ZNF831: variants seen among roughly 807,000 people sequenced by gnomAD.
The protein encoded by ZNF831 is zinc finger protein 831, also known as chromosome 20 open reading frame 174.
Under a neutral mutation model 95.8 loss-of-function variants are expected in ZNF831, and 59 were observed. The ratio of observed to expected loss-of-function variants is 0.62; its 90% CI spans 0.50 to 0.77. ZNF831 has a LOEUF of 0.77. Ranked by LOEUF, ZNF831 falls within the 30% of genes least tolerant of loss-of-function variation. ZNF831 has a pLI of 0.00. For synonymous variants in ZNF831, 961 were observed against 925.5 expected, an observed-to-expected ratio of 1.04 and a Z score of -0.70; for missense variants, 2,205 against 2,164.0, an observed-to-expected ratio of 1.02 and a Z score of -0.38.
chr20:59,195,377 G>A (rs1171651863), intron 2 of ZNF831, among the ~76,000 whole-genome samples: 5 of 152,186 alleles, frequency 3.3e-5, no homozygotes, highest in African/African-American at 1.2e-4. Flanking sequence ...CTTGGGCCGC[G>A]GCCACTGAGG....
In ZNF831 at chr20:59,208,855, C is replaced by T. The variant is rs373283672; in HGVS notation, c.4027+1799C>T. On this transcript the variant is annotated intron_variant, in intron 4 of 5. Transcript: ENST00000371030. The surrounding 1 kb of genome is among the most constrained non-coding windows in gnomAD (Gnocchi z 4.2). Reference sequence around the variant, plus strand: ...GGTCACTGGTGGAATCCAACAGAATCAGCCAGAGCTCTGCCAGTTGCCCCC... The same window carrying T: ...GGTCACTGGTGGAATCCAACAGAATTAGCCAGAGCTCTGCCAGTTGCCCCC... Among the ~76,000 whole-genome samples, 2 of 152,114 alleles carry T rather than the reference C, an allele frequency of 1.3e-5. No homozygotes were observed. Among genetic ancestry groups the T allele is most frequent in the East Asian group, 3.9e-4 (2 of 5,174 alleles).
chr20:59,156,145 C>T (rs1160502134), intron 2 of ZNF831, among the ~76,000 whole-genome samples: 1 of 152,176 alleles, frequency 6.6e-6, no homozygotes, highest in Non-Finnish European at 1.5e-5. Context: ...CCATTAAGGC[C>T]GTAGACATAT....
At chr20:59,199,762 C>A (rs760360258) in intron 3 of ZNF831, among the ~76,000 whole-genome samples, 13 of 152,048 alleles carry the variant, frequency 8.5e-5, no homozygotes, top group Admixed American at 6.5e-4. Context: ...TATTACTTGT[C>A]TTTTTAAGCC....
chr20:59,179,850 A>G (rs1982473258), intron 1 of ZNF831, among the ~76,000 whole-genome samples: 1 of 152,100 alleles, frequency 6.6e-6, no homozygotes, highest in African/African-American at 2.4e-5. Flanking sequence ...CAGGACTTGG[A>G]TGCTATTTTG....
At chr20:59,251,557 C>T (rs1213881668) in intron 4 of ZNF831, among the ~76,000 whole-genome samples, 1 of 151,934 alleles carries the variant, frequency 6.6e-6, no homozygotes, top group Non-Finnish European at 1.5e-5. Flanking sequence ...GGAGTGTAAA[C>T]CAAGAAAAAA....
intron 1 of ZNF831, among the ~76,000 whole-genome samples, chr20:59,144,520 C>T (rs535135378): frequency 1.7e-4 from 26 of 152,178 alleles, no homozygotes; most frequent in African/African-American, 6.0e-4. Flanking sequence ...TACCCAATGT[C>T]CCCAGAGGGG....
chr20:59,189,125 G>A (rs1457156871), intron 1 of ZNF831, among the ~76,000 whole-genome samples: 1 of 151,772 alleles, frequency 6.6e-6, no homozygotes, highest in East Asian at 1.9e-4. Flanking sequence ...AGGTTGCAGT[G>A]AGCTGAGATC....
chr20:59,136,246 G>T (rs1384604035), intron 1 of ZNF831, among the ~76,000 whole-genome samples: 2 of 152,062 alleles, frequency 1.3e-5, no homozygotes, highest in African/African-American at 4.8e-5. Context: ...CCTACCCTCT[G>T]CTGCTGCTTC....
intron 1 of ZNF831, among the ~76,000 whole-genome samples, chr20:59,136,799 C>T (rs572170729): frequency 2.6e-5 from 4 of 152,292 alleles, no homozygotes; most frequent in Middle Eastern, 3.4e-3. Flanking sequence ...AGCAACAGAT[C>T]CCCCAGGTTT....
rs2146567282 is a variant in ZNF831 at position 59,192,535 on chromosome 20, T to A, written c.1516T>A (p.Ser506Thr). The change falls in exon 2 of 6, where the codon TCG (serine) becomes ACG (threonine). Residue 506 changes from serine (S) to threonine (T), a missense_variant. Ser to Thr is a moderately conservative substitution (Grantham distance 58). Transcript: ENST00000371030. The surrounding 1 kb of genome is among the most constrained non-coding windows in gnomAD (Gnocchi z 5.2). The stretch of plus-strand genomic sequence containing the variant: ...ATGTGTCCCCGTCACCAGGAGCAAC[T>A]CGCTGCCCTTCGTCGAGGGCTCCAG... ...VECVPVTRSN[S>T]LPFVEGSRTW... 1 of 1,527,908 alleles carries A rather than the reference T, an allele frequency of 6.5e-7. No homozygotes were observed. The highest frequency in any genetic ancestry group is 8.8e-7 in the Non-Finnish European group (1 of 1,139,796). The allele number at this position is 1,527,908 out of a possible 1,614,324, so 94.6% of individuals were successfully genotyped here.
intron 1 of ZNF831, among the ~76,000 whole-genome samples, chr20:59,126,049 A>C (rs937625044): frequency 6.6e-6 from 1 of 152,142 alleles, no homozygotes; most frequent in African/African-American, 2.4e-5. Context: ...AGTGTCCCTT[A>C]TGCAAACGTC....
At chr20:59,133,765 A>G (rs6026714) in intron 1 of ZNF831, among the ~76,000 whole-genome samples, 153 of 152,304 alleles carry the variant, frequency 1.0e-3, no homozygotes, top group African/African-American at 3.4e-3. Flanking sequence ...CACTCAGAGA[A>G]GGGAGGCAGC....
intron 4 of ZNF831, among the ~76,000 whole-genome samples, chr20:59,252,117 T>C (rs1987920013): frequency 2.0e-5 from 3 of 152,154 alleles, no homozygotes; most frequent in African/African-American, 7.2e-5. Flanking sequence ...AACAATGTTA[T>C]CAGACATGAA....
chr20:59,179,571 T>C (rs903676425), intron 1 of ZNF831, among the ~76,000 whole-genome samples: 6 of 152,112 alleles, frequency 3.9e-5, no homozygotes, highest in Non-Finnish European at 7.4e-5. Flanking sequence ...GGGAGGGTCC[T>C]TCCTGGCCTC....
At chr20:59,210,600 CTG>C (rs1985231574) in intron 4 of ZNF831, among the ~76,000 whole-genome samples, 3 of 152,148 alleles carry the variant, frequency 2.0e-5, no homozygotes, top group Admixed American at 6.5e-5. Flanking sequence ...CATGGTGACC[CTG>C]GGGGCCTCAG....
intron 2 of ZNF831, among the ~76,000 whole-genome samples, chr20:59,153,363 A>G (rs756176057): frequency 3.5e-4 from 53 of 152,252 alleles, no homozygotes; most frequent in Non-Finnish European, 6.8e-4. Context: ...TGAGAAGGTC[A>G]GGGCCCGATT....
At chr20:59,239,753 C>T (rs1322883638) in intron 4 of ZNF831, among the ~76,000 whole-genome samples, 1 of 152,192 alleles carries the variant, frequency 6.6e-6, no homozygotes, top group Non-Finnish European at 1.5e-5. Context: ...CCATGTTGGC[C>T]AGGCTGGTCT....
chr20:59,201,132 T>C (rs983703437), intron 3 of ZNF831, among the ~76,000 whole-genome samples: 6 of 152,230 alleles, frequency 3.9e-5, no homozygotes, highest in African/African-American at 1.4e-4. Flanking sequence ...CTCTACATTA[T>C]TGCCAACACT....
chr20:59,138,113 G>A (rs938776338), intron 1 of ZNF831, among the ~76,000 whole-genome samples: 5 of 152,298 alleles, frequency 3.3e-5, no homozygotes, highest in South Asian at 2.1e-4. Context: ...GATTAACACC[G>A]ATTTTGGAGC....
Sources: gnomAD v4.1 joint callset for allele counts (sites outside exome capture counted in the v4.1 genomes callset) on GRCh38, gnomAD v4.1.1 for gene constraint, Gnocchi (gnomAD v3.1) non-coding constraint, MANE v1.5 for transcripts, NCBI Gene and HGNC (gene_info 2026-07-23, HGNC 2026-07-21) for gene names.